Variants in BANK1 observed in about 807,000 individuals in gnomAD.
BANK1 encodes B cell scaffold protein with ankyrin repeats 1, also known as B-cell scaffold protein with ankyrin repeats.
Under a neutral mutation model 94.5 loss-of-function variants are expected in BANK1, and 95 were observed. The observed-to-expected ratio is 1.00, with a 90% confidence interval of 0.85 to 1.19. The LOEUF (loss-of-function observed/expected upper bound fraction) is 1.19, where lower values mean the gene tolerates loss of function less well. BANK1 is among the 50% of genes most tolerant of loss of function. The pLI is 0.00. For missense variants in BANK1, 987 were observed against 932.2 expected, an observed-to-expected ratio of 1.06 and a Z score of -0.77; for synonymous variants, 334 against 308.4, an observed-to-expected ratio of 1.08 and a Z score of -0.87.
chr4:101,963,562 T>G (rs1407001472), intron 7 of BANK1, among the ~76,000 whole-genome samples: 1 of 152,134 alleles, frequency 6.6e-6, no homozygotes, highest in Non-Finnish European at 1.5e-5. Context: ...TATTGCCTGT[T>G]TAATTTTAGA....
At chr4:102,064,075 ACT>A (rs909337387) in intron 13 of BANK1, among the ~76,000 whole-genome samples, 3 of 152,140 alleles carry the variant, frequency 2.0e-5, no homozygotes, top group African/African-American at 7.2e-5. Context: ...CTATCTGACC[ACT>A]GTTTCCCCAA....
intron 7 of BANK1, among the ~76,000 whole-genome samples, chr4:101,980,435 TA>T (rs1374330159): frequency 2.0e-5 from 3 of 151,786 alleles, no homozygotes; most frequent in Non-Finnish European, 4.4e-5. Flanking sequence ...ATATTTGAGT[TA>T]TTTTTTTTTT....
intron 11 of BANK1, among the ~76,000 whole-genome samples, chr4:102,050,552 T>G (rs1728015633): frequency 6.6e-6 from 1 of 152,162 alleles, no homozygotes; most frequent in South Asian, 2.1e-4. Context: ...GTGGTCAAAT[T>G]TAGCCCCTAA....
intron 7 of BANK1, among the ~76,000 whole-genome samples, chr4:102,004,500 A>T (rs1177987112): frequency 6.6e-6 from 1 of 152,178 alleles, no homozygotes; most frequent in East Asian, 1.9e-4. Flanking sequence ...TTCATCGACC[A>T]GCCATTGCTA....
At chr4:101,806,687 C>T (rs1725566623) in intron 1 of BANK1, among the ~76,000 whole-genome samples, 1 of 152,156 alleles carries the variant, frequency 6.6e-6, no homozygotes, top group Admixed American at 6.5e-5. Flanking sequence ...TGAACAAAAA[C>T]ACTGCAGAGA....
At chr4:101,839,870 G>A (rs1026082764) in intron 2 of BANK1, among the ~76,000 whole-genome samples, 3 of 142,934 alleles carry the variant, frequency 2.1e-5, no homozygotes, top group African/African-American at 7.7e-5. Context: ...CTAAGACAAA[G>A]GAGATATACA....
chr4:101,920,665 T>G (rs1340805920), intron 7 of BANK1, among the ~76,000 whole-genome samples: 1 of 151,980 alleles, frequency 6.6e-6, no homozygotes, highest in Non-Finnish European at 1.5e-5. Context: ...AAGAAATATC[T>G]ATTTTTAAAT....
intron 2 of BANK1, among the ~76,000 whole-genome samples, chr4:101,844,519 A>T (rs1018639605): frequency 4.6e-5 from 7 of 152,238 alleles, no homozygotes; most frequent in Non-Finnish European, 8.8e-5. Context: ...CTGAGGAAGG[A>T]CAAGATGTAG....
chr4:101,814,503 T>G (rs1725834732), intron 1 of BANK1, among the ~76,000 whole-genome samples: 1 of 152,218 alleles, frequency 6.6e-6, no homozygotes, highest in South Asian at 2.1e-4. Flanking sequence ...GATTTGCTGG[T>G]GAAACTAAAG....
intron 5 of BANK1, among the ~76,000 whole-genome samples, chr4:101,886,170 A>G (rs1439799572): frequency 1.3e-5 from 2 of 152,206 alleles, no homozygotes; most frequent in African/African-American, 4.8e-5. Flanking sequence ...TGGCTGCTCA[A>G]TAAATATTTT....
At chr4:102,022,562 A>G (rs1726949939) in intron 8 of BANK1, among the ~76,000 whole-genome samples, 1 of 152,080 alleles carries the variant, frequency 6.6e-6, no homozygotes, top group African/African-American at 2.4e-5. Flanking sequence ...CAATGAACGG[A>G]AATTGTTCTA....
intron 5 of BANK1, among the ~76,000 whole-genome samples, chr4:101,877,701 A>G (rs1028050105): frequency 6.6e-6 from 1 of 152,132 alleles, no homozygotes; most frequent in Admixed American, 6.5e-5. Context: ...CCTGGCCATC[A>G]TGGTGAAACT....
At chr4:101,941,521 T>G (rs1386787326) in intron 7 of BANK1, among the ~76,000 whole-genome samples, 1 of 151,838 alleles carries the variant, frequency 6.6e-6, no homozygotes, top group African/African-American at 2.4e-5. Flanking sequence ...CTTTTTCTTC[T>G]TATATGAGTT....
At chr4:101,873,765 T>A (rs1728388244) in intron 5 of BANK1, among the ~76,000 whole-genome samples, 1 of 152,018 alleles carries the variant, frequency 6.6e-6, no homozygotes, top group Non-Finnish European at 1.5e-5. Flanking sequence ...ATAAGAGAGA[T>A]TCAAATGAAA....
intron 7 of BANK1, among the ~76,000 whole-genome samples, chr4:101,971,231 G>C (rs890839831): frequency 6.6e-6 from 1 of 152,106 alleles, no homozygotes; most frequent in Non-Finnish European, 1.5e-5. Flanking sequence ...ATAAACTCCA[G>C]GGGATACTGA....
chr4:101,903,947 G>A (rs1005362535), intron 6 of BANK1, among the ~76,000 whole-genome samples: 4 of 152,174 alleles, frequency 2.6e-5, no homozygotes, highest in South Asian at 2.1e-4. Context: ...TTCTCGAGTG[G>A]TGGCAGCACA....
intron 5 of BANK1, among the ~76,000 whole-genome samples, chr4:101,881,703 C>G (rs1206517254): frequency 6.6e-6 from 1 of 152,070 alleles, no homozygotes; most frequent in African/African-American, 2.4e-5. Context: ...AAGCAAATGT[C>G]ATACTTATAC....
chr4:102,029,452 A>G (rs1471139020), intron 9 of BANK1, among the ~76,000 whole-genome samples: 3 of 151,126 alleles, frequency 2.0e-5, no homozygotes, highest in African/African-American at 4.8e-5. Context: ...AAAGCTGTGG[A>G]GTTTCAGACA....
rs558315831 is a variant in BANK1, at chr4:102,045,946, A to C, written c.1969+2039A>C. 6.1e-3 allele frequency among the ~76,000 whole-genome samples: 917 copies of C among 150,346 alleles called. 5 individuals carry two copies. The highest frequency in any genetic ancestry group is 0.024 in the Middle Eastern group (7 of 286). On this transcript the variant is annotated intron_variant, in intron 11 of 16. Coordinates refer to ENST00000322953, the MANE Select transcript of BANK1 (RefSeq NM_017935.5). ...TCACAGAATTGGAAAAAACTACTTT[A>C]AAGTTCATATGGAACCAAAAAAGAG... is the stretch of plus-strand genomic sequence containing the variant.
Sources: gnomAD v4.1 joint callset for allele counts (sites outside exome capture counted in the v4.1 genomes callset) on GRCh38, gnomAD v4.1.1 for gene constraint, MANE v1.5 for transcripts, NCBI Gene and HGNC (gene_info 2026-07-23, HGNC 2026-07-21) for gene names.